Variants in FHIT observed in about 807,000 individuals in gnomAD.
FHIT encodes the protein fragile histidine triad diadenosine triphosphatase.
Under a neutral mutation model 17.9 loss-of-function variants are expected in FHIT, and 19 were observed. The observed-to-expected ratio is 1.06, with a 90% CI of 0.74 to 1.56. The LOEUF (loss-of-function observed/expected upper bound fraction) is 1.56. Among genes scored for constraint, FHIT ranks in the 40% most tolerant of loss-of-function variants. The probability of loss-of-function intolerance (pLI) is 0.00; values close to 1 mark genes in which losing one functional copy is unlikely to be tolerated. For synonymous variants in FHIT, 81 were observed against 69.7 expected (o/e 1.16, Z -0.81); for missense variants, 248 against 189.2 (o/e 1.31, Z -1.82).
chr3:61,088,346 A>G (rs568899268), intron 2 of FHIT, among the ~76,000 whole-genome samples: 1 of 152,202 alleles, frequency 6.6e-6, no homozygotes, highest in South Asian at 2.1e-4. Flanking sequence ...TGACCAAGTT[A>G]TGCACCATTA....
At chr3:60,115,816 C>T (rs967454737) in intron 5 of FHIT, among the ~76,000 whole-genome samples, 4 of 151,918 alleles carry the variant, frequency 2.6e-5, no homozygotes, top group Non-Finnish European at 4.4e-5. Context: ...TGTACAAACA[C>T]GAATAGGTAT....
At chr3:60,462,228 G>T (rs1176780625) in intron 5 of FHIT, among the ~76,000 whole-genome samples, 1 of 152,188 alleles carries the variant, frequency 6.6e-6, no homozygotes, top group Admixed American at 6.5e-5. Flanking sequence ...GACATCAGCT[G>T]CCGTTCTAAT....
intron 5 of FHIT, among the ~76,000 whole-genome samples, chr3:60,526,893 T>C (rs1045757107): frequency 6.6e-5 from 10 of 151,780 alleles, no homozygotes; most frequent in Admixed American, 5.2e-4. Flanking sequence ...GGAGTAATTA[T>C]TCCAGAAGAG....
At chr3:60,057,647 T>G (rs1702133652) in intron 5 of FHIT, among the ~76,000 whole-genome samples, 1 of 152,032 alleles carries the variant, frequency 6.6e-6, no homozygotes. Context: ...AGTTTATATT[T>G]GTTTTAACTG....
chr3:60,922,259 G>C (rs1411097521), intron 3 of FHIT, among the ~76,000 whole-genome samples: 3 of 152,170 alleles, frequency 2.0e-5, no homozygotes, highest in Non-Finnish European at 4.4e-5. Flanking sequence ...ACATTTGCTG[G>C]ATAAATTGGC....
At chr3:60,449,881 T>C (rs1343900001) in intron 5 of FHIT, among the ~76,000 whole-genome samples, 1 of 151,174 alleles carries the variant, frequency 6.6e-6, no homozygotes, top group African/African-American at 2.4e-5. Flanking sequence ...CACACGCCTG[T>C]AGTCCCAGCT....
intron 5 of FHIT, among the ~76,000 whole-genome samples, chr3:60,304,153 T>C (rs1225587757): frequency 1.3e-5 from 2 of 152,156 alleles, no homozygotes; most frequent in Non-Finnish European, 2.9e-5. Flanking sequence ...AGTATCCCTT[T>C]GAAAAGCAAA....
intron 8 of FHIT, among the ~76,000 whole-genome samples, chr3:59,822,331 T>A (rs759397131): frequency 2.0e-5 from 3 of 152,200 alleles, no homozygotes; most frequent in Non-Finnish European, 4.4e-5. Flanking sequence ...GACTGCTGGA[T>A]CAAATGGTAG....
chr3:60,185,208 G>GT (rs2107452419), intron 5 of FHIT, among the ~76,000 whole-genome samples: 1 of 152,204 alleles, frequency 6.6e-6, no homozygotes, highest in Non-Finnish European at 1.5e-5. Flanking sequence ...AGAATGTCAG[G>GT]TATCCACCAT....
intron 2 of FHIT, among the ~76,000 whole-genome samples, chr3:61,115,888 G>C (rs1479144089): frequency 6.6e-6 from 1 of 152,128 alleles, no homozygotes; most frequent in Non-Finnish European, 1.5e-5. Context: ...CATTCCACAA[G>C]CCAGGACTGA....
intron 5 of FHIT, among the ~76,000 whole-genome samples, chr3:60,155,173 CAAAA>C (rs10552580): frequency 2.3e-4 from 29 of 127,088 alleles, no homozygotes; most frequent in Non-Finnish European, 2.9e-4. Flanking sequence ...GTGACAGAGT[CAAAA>C]AAAAAAAAAA....
At chr3:60,040,097 T>C (rs1406266959) in intron 5 of FHIT, among the ~76,000 whole-genome samples, 2 of 152,252 alleles carry the variant, frequency 1.3e-5, no homozygotes, top group East Asian at 3.9e-4. Context: ...ACAAAGATAG[T>C]GTCAAAAAAT....
intron 5 of FHIT, among the ~76,000 whole-genome samples, chr3:60,505,075 GTA>G (rs2034673642): frequency 7.1e-6 from 1 of 141,414 alleles, no homozygotes; most frequent in South Asian, 2.2e-4. Context: ...TGTCAAAGAT[GTA>G]TTTTTTTTCC....
At chr3:60,483,231 G>A (rs1576736099) in intron 5 of FHIT, among the ~76,000 whole-genome samples, 1 of 152,250 alleles carries the variant, frequency 6.6e-6, no homozygotes, top group African/African-American at 2.4e-5. Flanking sequence ...TGGATTCACA[G>A]CCAAATTCTA....
At chr3:60,012,903 C>T (rs1408245210) in intron 6 of FHIT, among the ~76,000 whole-genome samples, 3 of 152,136 alleles carry the variant, frequency 2.0e-5, no homozygotes, top group Admixed American at 1.3e-4. Flanking sequence ...TCTCACTAAA[C>T]ATTAACAGAG....
intron 5 of FHIT, among the ~76,000 whole-genome samples, chr3:60,191,831 T>A (rs1456315894): frequency 1.3e-5 from 2 of 152,122 alleles, no homozygotes; most frequent in African/African-American, 2.4e-5. Flanking sequence ...AAGTCATTTT[T>A]AAACATTTTT....
chr3:60,517,692 T>C (rs1431695264), intron 5 of FHIT, among the ~76,000 whole-genome samples: 1 of 152,204 alleles, frequency 6.6e-6, no homozygotes, highest in African/African-American at 2.4e-5. Flanking sequence ...TCATATTGAA[T>C]ATAGTACATT....
At position 60,925,327 on chromosome 3, in the gene FHIT, C is replaced by T. The variant is rs1043782440; in HGVS notation, c.-110-103316G>A. On this transcript the variant is annotated intron_variant, in intron 3 of 9. Coordinates refer to ENST00000492590, the MANE Select transcript of FHIT (RefSeq NM_002012.4). Reference sequence around the variant, plus strand: ...CCAGAGAGAAAGGTCGGGTTACCCACAAAGGGAAGCCCATTCAGACTAACA... The same window carrying T: ...CCAGAGAGAAAGGTCGGGTTACCCATAAAGGGAAGCCCATTCAGACTAACA... Among the ~76,000 whole-genome samples the T allele has an allele frequency of 1.4e-4, 21 of 152,280 alleles. No homozygotes were observed. The South Asian group carries it at 4.1e-3, about 30-fold the overall frequency.
intron 3 of FHIT, among the ~76,000 whole-genome samples, chr3:60,929,130 T>C (rs1707813380): frequency 6.6e-6 from 1 of 152,292 alleles, no homozygotes; most frequent in South Asian, 2.1e-4. Context: ...ATTATCTCAA[T>C]AGATGCAGAA....
Sources: allele counts gnomAD v4.1 joint callset (sites outside exome capture counted in the v4.1 genomes callset), GRCh38; gene constraint gnomAD v4.1.1; transcripts MANE v1.5; gene names NCBI Gene and HGNC (gene_info 2026-07-23, HGNC 2026-07-21).